Variants in SLC4A4 observed in about 807,000 individuals in gnomAD.
SLC4A4 encodes the protein solute carrier family 4 member 4.
In SLC4A4, 27 loss-of-function variants were observed where a neutral mutation model predicts 111.5. The observed-to-expected ratio is 0.24, with a 90% CI of 0.18 to 0.33. The LOEUF (loss-of-function observed/expected upper bound fraction) is 0.33. Among genes scored for constraint, SLC4A4 ranks in the 10% least tolerant of loss-of-function variants. The probability of loss-of-function intolerance (pLI) is 1.00; values close to 1 mark genes in which losing one functional copy is unlikely to be tolerated. For missense variants in SLC4A4, 909 were observed against 1,315.5 expected, an observed-to-expected ratio of 0.69 and a Z score of 4.78; for synonymous variants, 443 against 463.4, an observed-to-expected ratio of 0.96 and a Z score of 0.57.
At chr4:71,388,341 C>T (rs1578985645) in intron 6 of SLC4A4, among the ~76,000 whole-genome samples, 1 of 152,102 alleles carries the variant, frequency 6.6e-6, no homozygotes, top group Non-Finnish European at 1.5e-5. Flanking sequence ...ATCACAAATA[C>T]TATAATCACA....
intron 2 of SLC4A4, among the ~76,000 whole-genome samples, chr4:71,099,625 A>T (rs1348473851): frequency 1.3e-5 from 2 of 152,160 alleles, no homozygotes; most frequent in Admixed American, 6.5e-5. Context: ...GACACAAAAA[A>T]CCATTCAAAA....
intron 16 of SLC4A4, among the ~76,000 whole-genome samples, chr4:71,522,870 T>G (rs1228034298): frequency 1.2e-4 from 18 of 152,206 alleles, no homozygotes; most frequent in Admixed American, 1.2e-3. Flanking sequence ...TTCAGAAACT[T>G]TAATGAAAAC....
intron 1 of SLC4A4, among the ~76,000 whole-genome samples, chr4:71,079,331 G>A (rs1741928808): frequency 6.6e-6 from 1 of 152,160 alleles, no homozygotes; most frequent in Admixed American, 6.5e-5. Context: ...ATATACAGCA[G>A]TGTGAAGGCA....
At chr4:71,148,952 T>C (rs772046565) in intron 2 of SLC4A4, among the ~76,000 whole-genome samples, 1 of 152,192 alleles carries the variant, frequency 6.6e-6, no homozygotes, top group Non-Finnish European at 1.5e-5. Flanking sequence ...CTTTTGGTCT[T>C]TGAGGAATTG....
At chr4:71,352,749 A>T (rs960408464) in intron 5 of SLC4A4, among the ~76,000 whole-genome samples, 1 of 152,240 alleles carries the variant, frequency 6.6e-6, no homozygotes, top group Non-Finnish European at 1.5e-5. Context: ...TGAATAGTTT[A>T]TCCAGATATT....
At chr4:71,352,422 G>A (rs1481779764) in intron 5 of SLC4A4, among the ~76,000 whole-genome samples, 2 of 152,022 alleles carry the variant, frequency 1.3e-5, no homozygotes, top group African/African-American at 4.8e-5. Context: ...TCCCCACTTA[G>A]GGTTTCATGC....
Position 71,261,533 on chromosome 4 carries a change from TG to T in SLC4A4, c.253+6135del, listed in dbSNP as rs1198503139. 2.0e-5 allele frequency among the ~76,000 whole-genome samples: 3 copies of T among 152,182 alleles called. 1 individual carries two copies. The highest frequency in any genetic ancestry group is 4.4e-5 in the Non-Finnish European group (3 of 68,026). On this transcript the variant is annotated intron_variant, in intron 3 of 25. Transcript: ENST00000264485. ...TGATGGCAATGGGTTGGCTCAACAA[TG>T]TTGTGTTTTGTGTGGTACAAATAAT... is the stretch of plus-strand genomic sequence containing the variant.
At chr4:71,347,186 A>T (rs1729399389) in intron 4 of SLC4A4, among the ~76,000 whole-genome samples, 1 of 151,964 alleles carries the variant, frequency 6.6e-6, no homozygotes, top group African/African-American at 2.4e-5. Context: ...AAGTCTAACC[A>T]GGTTGCCTAC....
intron 20 of SLC4A4, 123 bp from the exon 21 acceptor site, chr4:71,555,017 A>C (rs1440283236): frequency 4.0e-6 from 3 of 747,176 alleles, no homozygotes; most frequent in Non-Finnish European, 7.3e-6. Context: ...TACTAGTTAG[A>C]GGTCACTAAG....
chr4:71,322,948 A>G (rs1727233039), intron 3 of SLC4A4, among the ~76,000 whole-genome samples: 1 of 151,922 alleles, frequency 6.6e-6, no homozygotes. Flanking sequence ...CTTCCCAGTT[A>G]AGTAGCGTTC....
At chr4:71,561,742 T>A (rs1206955561) in intron 23 of SLC4A4, among the ~76,000 whole-genome samples, 8 of 151,840 alleles carry the variant, frequency 5.3e-5, no homozygotes, top group African/African-American at 1.9e-4. Context: ...CGAAGAACGA[T>A]GTGTTTACAC....
rs148680719 is a variant in SLC4A4 at position 71,532,828 on chromosome 4, T to A, written c.2280+653T>A. Among the ~76,000 whole-genome samples, 4 of 152,240 alleles carry A rather than the reference T, an allele frequency of 2.6e-5. No homozygotes were observed. The East Asian group carries it at 5.8e-4, about 22-fold the overall frequency. ...AAGATGTGAAGTTAGAACCCAAGCCTCCAGAAGTCTAGTCTAATACTCTTT... is the reference window on the plus strand; with the variant it reads ...AAGATGTGAAGTTAGAACCCAAGCCACCAGAAGTCTAGTCTAATACTCTTT... On this transcript the variant is annotated intron_variant, in intron 17 of 25. Coordinates refer to ENST00000264485, the MANE Select transcript of SLC4A4 (RefSeq NM_001098484.3).
chr4:71,497,371 C>A, intron 15 of SLC4A4, 130 bp from the exon 16 acceptor site: 1 of 729,860 alleles, frequency 1.4e-6, no homozygotes, highest in East Asian at 2.7e-5. Flanking sequence ...TCAAGTTTCA[C>A]CCTCCAGTGC....
intron 1 of SLC4A4, among the ~76,000 whole-genome samples, chr4:71,227,579 G>C (rs1719133193): frequency 6.6e-6 from 1 of 152,172 alleles, no homozygotes. Context: ...CCTTTCCCGT[G>C]ATTGTCCTGT....
chr4:71,094,593 T>A (rs1742487760), intron 2 of SLC4A4, among the ~76,000 whole-genome samples: 2 of 152,342 alleles, frequency 1.3e-5, no homozygotes, highest in South Asian at 4.1e-4. Context: ...TGTAAGGATA[T>A]GTAGTTAGGG....
intron 1 of SLC4A4, among the ~76,000 whole-genome samples, chr4:71,234,689 G>T (rs1230407406): frequency 6.6e-6 from 1 of 152,138 alleles, no homozygotes. Context: ...CCTGCCGAGG[G>T]ATTACAGGTG....
At chr4:71,156,944 T>C (rs551589502) in intron 2 of SLC4A4, among the ~76,000 whole-genome samples, 37 of 152,174 alleles carry the variant, frequency 2.4e-4, no homozygotes, top group Non-Finnish European at 4.4e-4. Flanking sequence ...TTATTAGTTA[T>C]TCTAAATTGA....
In SLC4A4 at chr4:71,115,520, T is replaced by C. The variant is rs1743221270; in HGVS notation, c.-2+22728T>C. On this transcript the variant is annotated intron_variant, in intron 2 of 26. Coordinates refer to the SLC4A4 transcript ENST00000649996. ...ATCAATTTGATGACTTGAAATTTGT[T>C]GATGTAGAATTTGACCTAATGTGTG... Among the ~76,000 whole-genome samples the C allele has an allele frequency of 3.3e-5, 5 of 152,184 alleles. No individual in the cohort carries two copies. In the South Asian group the frequency reaches 1.0e-3, roughly 32 times the overall value.
chr4:71,369,972 G>A (rs940988950), intron 6 of SLC4A4, among the ~76,000 whole-genome samples: 8 of 152,314 alleles, frequency 5.3e-5, no homozygotes, highest in African/African-American at 1.9e-4. Context: ...TGGTCTGGGA[G>A]TGGCAGTAAT....
Sources: allele counts gnomAD v4.1 joint callset (sites outside exome capture counted in the v4.1 genomes callset), GRCh38; gene constraint gnomAD v4.1.1; transcripts MANE v1.5; gene names NCBI Gene and HGNC (gene_info 2026-07-23, HGNC 2026-07-21).